ERC2: variants seen among roughly 807,000 people sequenced by gnomAD.
ERC2 encodes ELKS/RAB6-interacting/CAST family member 2.
A neutral mutation model predicts 114.8 loss-of-function variants in ERC2; 42 were observed. The ratio of observed to expected loss-of-function variants is 0.37; its 90% CI spans 0.29 to 0.47. The LOEUF is 0.47. Among genes scored for constraint, ERC2 ranks in the 20% least tolerant of loss-of-function variants. The pLI, the probability that ERC2 is intolerant of heterozygous loss-of-function variation, is 0.99. For synonymous variants in ERC2, 454 were observed against 425.5 expected (o/e 1.07, Z -0.82); for missense variants, 939 against 1,150.7 (o/e 0.82, Z 2.66).
intron 11 of ERC2, among the ~76,000 whole-genome samples, chr3:55,988,932 A>G (rs2070840887): frequency 6.6e-6 from 1 of 152,218 alleles, no homozygotes; most frequent in African/African-American, 2.4e-5. Context: ...TTTGGTCAGA[A>G]TACACATGTA....
At chr3:55,953,170 A>G (rs573439987) in intron 12 of ERC2, among the ~76,000 whole-genome samples, 35 of 149,724 alleles carry the variant, frequency 2.3e-4, no homozygotes, top group African/African-American at 8.4e-4. Flanking sequence ...ACACCACTGC[A>G]CTCCAGCCTG....
chr3:56,116,234 T>C (rs1033116073), intron 6 of ERC2, among the ~76,000 whole-genome samples: 3 of 152,150 alleles, frequency 2.0e-5, no homozygotes, highest in Admixed American at 6.5e-5. Flanking sequence ...AAGAAATCCA[T>C]ATTTTACTCT....
intron 2 of ERC2, among the ~76,000 whole-genome samples, chr3:56,344,515 C>G (rs142156329): frequency 0.023 from 3,433 of 152,288 alleles, 42 homozygotes; most frequent in South Asian, 0.071. Context: ...ACCCGCCACA[C>G]CAAAACCCCG....
chr3:56,370,702 C>G (rs2059333519), intron 2 of ERC2, among the ~76,000 whole-genome samples: 1 of 148,954 alleles, frequency 6.7e-6, no homozygotes, highest in Admixed American at 6.8e-5. Context: ...TCAAGCAATT[C>G]TCCTGCCTTA....
chr3:55,908,230 A>G (rs955914958), intron 13 of ERC2, among the ~76,000 whole-genome samples: 1 of 152,138 alleles, frequency 6.6e-6, no homozygotes, highest in African/African-American at 2.4e-5. Flanking sequence ...AAAAAATCTT[A>G]TTTTTTAATT....
intron 17 of ERC2, among the ~76,000 whole-genome samples, chr3:55,547,494 GA>G (rs1208426886): frequency 3.3e-5 from 5 of 152,210 alleles, no homozygotes; most frequent in African/African-American, 9.7e-5. Context: ...CACATTTAAT[GA>G]AAACCAGTTT....
chr3:55,975,988 C>T (rs547565428), intron 12 of ERC2, among the ~76,000 whole-genome samples: 1 of 152,286 alleles, frequency 6.6e-6, no homozygotes, highest in Non-Finnish European at 1.5e-5. Context: ...AATTTGTCAC[C>T]CTGCGCCATG....
At chr3:55,730,901 T>C (rs2065217610) in intron 15 of ERC2, among the ~76,000 whole-genome samples, 1 of 152,178 alleles carries the variant, frequency 6.6e-6, no homozygotes, top group Admixed American at 6.5e-5. Flanking sequence ...CCAGTCTGCC[T>C]CAACATCTGC....
At chr3:56,314,800 A>C (rs545397831) in intron 2 of ERC2, among the ~76,000 whole-genome samples, 51 of 152,310 alleles carry the variant, frequency 3.3e-4, no homozygotes, top group Middle Eastern at 3.4e-3. Flanking sequence ...AAAGAGGTTG[A>C]CCACTGGTTG....
At chr3:55,881,460 T>C (rs542773884) in intron 14 of ERC2, among the ~76,000 whole-genome samples, 6 of 152,152 alleles carry the variant, frequency 3.9e-5, no homozygotes, top group Non-Finnish European at 8.8e-5. Context: ...CCACAGAAAG[T>C]CTAAAATAAA....
chr3:56,127,947 C>T lies in ERC2; in HGVS notation c.1473+11562G>A, dbSNP rs536134826. On this transcript the variant is annotated intron_variant, in intron 6 of 17. Coordinates refer to ENST00000288221, the MANE Select transcript of ERC2 (RefSeq NM_015576.3). ...AAGAAATAAATTAGACCCTATCTCT[C>T]ACCATATACAAAAGTTAACTCAAAA... 1.7e-3 allele frequency among the ~76,000 whole-genome samples: 262 copies of T among 152,232 alleles called. 3 individuals are homozygous for T. The highest frequency in any genetic ancestry group is 3.5e-3 in the Non-Finnish European group (236 of 68,020).
intron 17 of ERC2, among the ~76,000 whole-genome samples, chr3:55,569,307 C>T (rs1027008722): frequency 1.3e-5 from 2 of 152,176 alleles, no homozygotes; most frequent in Non-Finnish European, 2.9e-5. Context: ...CCAAGATTAT[C>T]TTGGGCTAAA....
At chr3:56,250,828 C>T (rs2052095793) in intron 3 of ERC2, among the ~76,000 whole-genome samples, 1 of 152,164 alleles carries the variant, frequency 6.6e-6, no homozygotes, top group Non-Finnish European at 1.5e-5. Flanking sequence ...CCATGAACTC[C>T]AAGTATGGGA....
chr3:56,448,120 C>T (rs1455743686), intron 1 of ERC2, among the ~76,000 whole-genome samples: 1 of 152,144 alleles, frequency 6.6e-6, no homozygotes. Flanking sequence ...TTATCAGCAT[C>T]CCCAAAGCCT....
At position 56,314,335 on chromosome 3, in the gene ERC2, A is replaced by G. The variant is rs558029339; in HGVS notation, c.658-17900T>C. Among the ~76,000 whole-genome samples the G allele has an allele frequency of 7.0e-4, 106 of 152,290 alleles. 1 individual carries two copies. Among genetic ancestry groups the G allele is most frequent in the African/African-American group, 2.5e-3 (105 of 41,562 alleles). On this transcript the variant is annotated intron_variant, in intron 2 of 17. Coordinates refer to ENST00000288221, the MANE Select transcript of ERC2 (RefSeq NM_015576.3). ...TAACACATCTTGCAGAAGCATGATA[A>G]AGTTAGATGATAACACATGCCCAAT... is the stretch of plus-strand genomic sequence containing the variant.
chr3:55,885,060 G>C (rs547961466), intron 14 of ERC2, among the ~76,000 whole-genome samples: 1 of 151,988 alleles, frequency 6.6e-6, no homozygotes, highest in Non-Finnish European at 1.5e-5. Context: ...CTTGACTCAC[G>C]GCCTCACCCC....
At chr3:55,604,516 G>T (rs1280632046) in intron 17 of ERC2, among the ~76,000 whole-genome samples, 1 of 152,060 alleles carries the variant, frequency 6.6e-6, no homozygotes, top group African/African-American at 2.4e-5. Flanking sequence ...CACTCAGCAG[G>T]CATGTCTGAG....
chr3:55,957,961 T>C (rs1012941473), intron 12 of ERC2, among the ~76,000 whole-genome samples: 3 of 152,130 alleles, frequency 2.0e-5, no homozygotes, highest in African/African-American at 7.2e-5. Context: ...GCCCACTATA[T>C]GGTGAGTTGG....
intron 17 of ERC2, among the ~76,000 whole-genome samples, chr3:55,530,250 G>C (rs1045468582): frequency 3.3e-5 from 5 of 152,228 alleles, no homozygotes; most frequent in African/African-American, 1.2e-4. Context: ...TGGTAAGATA[G>C]CAAAGGGCCA....
Sources: allele counts gnomAD v4.1 joint callset (sites outside exome capture counted in the v4.1 genomes callset), GRCh38; gene constraint gnomAD v4.1.1; transcripts MANE v1.5; gene names NCBI Gene and HGNC (gene_info 2026-07-23, HGNC 2026-07-21).